CEP120: variants seen among roughly 807,000 people sequenced by gnomAD.
CEP120 encodes centrosomal protein 120, also known as centrosomal protein of 120 kDa.
CEP120 carries 113 observed loss-of-function variants against 126.5 expected under a neutral mutation model. The ratio of observed to expected loss-of-function variants is 0.89; its 90% CI spans 0.77 to 1.04. The LOEUF (loss-of-function observed/expected upper bound fraction) is 1.04, where lower values mean the gene tolerates loss of function less well. CEP120 is among the 50% of genes least tolerant of loss of function. The pLI is 0.00. For missense variants in CEP120, 1,230 were observed against 1,155.7 expected (o/e 1.06, Z -0.93); for synonymous variants, 400 against 394.3 (o/e 1.01, Z -0.17).
chr5:123,368,624 T>C (rs1253541255), intron 17 of CEP120, among the ~76,000 whole-genome samples: 3 of 151,988 alleles, frequency 2.0e-5, no homozygotes, highest in African/African-American at 7.2e-5. Context: ...AAACACTACA[T>C]GAAAAATATA....
chr5:123,396,267 T>G (rs1476052666), intron 5 of CEP120, among the ~76,000 whole-genome samples: 1 of 152,198 alleles, frequency 6.6e-6, no homozygotes, highest in African/African-American at 2.4e-5. Context: ...AACACTCACA[T>G]ACAGATTTTT....
intron 5 of CEP120, among the ~76,000 whole-genome samples, chr5:123,395,679 TC>T (rs1178122651): frequency 7.1e-6 from 1 of 140,496 alleles, no homozygotes; most frequent in African/African-American, 2.7e-5. Context: ...AGTACTTCAT[TC>T]CTTTTTTTTT....
intron 4 of CEP120, among the ~76,000 whole-genome samples, chr5:123,409,992 CCACACACACA>C (rs552203939): frequency 8.3e-5 from 7 of 83,874 alleles, no homozygotes; most frequent in Admixed American, 1.4e-4. Context: ...AAAAAAAAAA[CCACACACACA>C]CACACACACA....
rs369612860 is a variant in CEP120, at chr5:123,395,681, C to CT, written c.613-2185dup. On this transcript the variant is annotated intron_variant, in intron 5 of 19. Transcript: ENST00000306467. ...TGTGGCATGTATCAGTACTTCATTC[C>CT]TTTTTTTTTTTTTTTTTTGAGACAG... Among the ~76,000 whole-genome samples, 995 of 127,404 alleles carry CT rather than the reference C, an allele frequency of 7.8e-3. 14 individuals are homozygous for CT. Among genetic ancestry groups the CT allele is most frequent in the East Asian group, 0.046 (203 of 4,386 alleles). The allele number at this position is 127,404 out of a possible 152,430, so 83.6% of individuals were successfully genotyped here. A position where few individuals can be genotyped will look rare whatever the true frequency, so the allele number is the denominator to read the frequency against.
At chr5:123,391,398 A>C in intron 6 of CEP120, 61 bp from the exon 7 acceptor site, 14 of 1,259,650 alleles carry the variant, frequency 1.1e-5, no homozygotes, top group Non-Finnish European at 1.6e-5. Flanking sequence ...CCTAAATATC[A>C]TAAACTTAAT....
chr5:123,402,016 G>A (rs112683892), intron 4 of CEP120: 15 of 1,606,218 alleles, frequency 9.3e-6, no homozygotes, highest in East Asian at 6.7e-5. Flanking sequence ...TCCAGGAACC[G>A]TACCTTGTCT....
At chr5:123,418,891 G>GT (rs569320795) in intron 1 of CEP120, among the ~76,000 whole-genome samples, 59 of 152,182 alleles carry the variant, frequency 3.9e-4, no homozygotes, top group African/African-American at 1.3e-3. Context: ...CCTAGCATGT[G>GT]TTTTTTTAAA....
intron 1 of CEP120, among the ~76,000 whole-genome samples, chr5:123,421,443 C>T (rs1360511316): frequency 6.6e-6 from 1 of 152,164 alleles, no homozygotes; most frequent in Non-Finnish European, 1.5e-5. Flanking sequence ...ACTAACAGGC[C>T]TCTCTCAGGA....
intron 5 of CEP120, among the ~76,000 whole-genome samples, chr5:123,396,420 CTG>C (rs915825518): frequency 2.6e-5 from 4 of 151,728 alleles, no homozygotes; most frequent in African/African-American, 9.7e-5. Flanking sequence ...AGACATCAAC[CTG>C]TGTGTTTTTT....
intron 9 of CEP120, among the ~76,000 whole-genome samples, chr5:123,387,630 G>T (rs939481156): frequency 6.6e-6 from 1 of 151,978 alleles, no homozygotes; most frequent in African/African-American, 2.4e-5. Flanking sequence ...CTATTAGTCC[G>T]TATCAAATGA....
chr5:123,354,581 A>G (rs752680560), intron 18 of CEP120, among the ~76,000 whole-genome samples: 1 of 152,008 alleles, frequency 6.6e-6, no homozygotes, highest in South Asian at 2.1e-4. Context: ...ACCAGGTACA[A>G]ATGTAGAACT....
intron 18 of CEP120, among the ~76,000 whole-genome samples, chr5:123,351,033 G>A (rs1309721928): frequency 6.6e-6 from 1 of 152,086 alleles, no homozygotes; most frequent in Non-Finnish European, 1.5e-5. Context: ...TGAGTCAATA[G>A]GTTTTTGTTA....
chr5:123,381,654 T>C (rs1417144265), intron 14 of CEP120, among the ~76,000 whole-genome samples: 2 of 152,114 alleles, frequency 1.3e-5, no homozygotes, highest in Non-Finnish European at 2.9e-5. Flanking sequence ...TCTATTAACT[T>C]ACAGATTATA....
intron 17 of CEP120, among the ~76,000 whole-genome samples, chr5:123,368,295 T>C (rs1770614742): frequency 6.6e-6 from 1 of 151,996 alleles, no homozygotes; most frequent in Non-Finnish European, 1.5e-5. Context: ...CAGGGTAAAA[T>C]GGAAGTACTC....
Position 123,346,606 on chromosome 5 carries a change from C to G in CEP120, c.2874G>C (p.Thr958=). 6.2e-7 allele frequency: 1 copy of G among 1,613,992 alleles called. No individual in the cohort carries two copies. The highest frequency in any genetic ancestry group is 8.5e-7 in the Non-Finnish European group (1 of 1,179,950). Residue 958 remains threonine (T), a synonymous_variant, in exon 20 of 20, where the codon ACG becomes ACC. Transcript: ENST00000306467. The part of the protein sequence containing the change: ...LIEERDTLMR[T]GVYNHEDRII... ...TTCGATCCTCGTGATTATACACACC[C>G]GTTCTCATCAAAGTATCCCTTTCTT...
At chr5:123,389,821 A>ACAATTTTTACTT in intron 8 of CEP120, 103 bp downstream of exon 8, 1 of 1,066,246 alleles carries the variant, frequency 9.4e-7, no homozygotes, top group Non-Finnish European at 1.4e-6. Context: ...TAACAAACCC[A>ACAATTTTTACTT]CAATTTTTAC....
At chr5:123,349,116 T>C (rs1453984926) in intron 19 of CEP120, among the ~76,000 whole-genome samples, 2 of 152,190 alleles carry the variant, frequency 1.3e-5, no homozygotes, top group East Asian at 3.9e-4. Flanking sequence ...TCCTAGTGAT[T>C]ACTTTTCTAA....
chr5:123,354,883 C>G (rs1169822745), intron 18 of CEP120, among the ~76,000 whole-genome samples: 2 of 151,896 alleles, frequency 1.3e-5, no homozygotes, highest in Non-Finnish European at 2.9e-5. Flanking sequence ...GTGCTGCACC[C>G]ATTAACTCGT....
chr5:123,423,626 T>G (rs1437256964), upstream of CEP120: 2 of 133,276 alleles, frequency 1.5e-5, no homozygotes, highest in Non-Finnish European at 3.2e-5. Context: ...TTAAGGAGCG[T>G]GAGTGTAGCG....
Sources: gnomAD v4.1 joint callset for allele counts (sites outside exome capture counted in the v4.1 genomes callset) on GRCh38, gnomAD v4.1.1 for gene constraint, MANE v1.5 for transcripts, NCBI Gene and HGNC (gene_info 2026-07-23, HGNC 2026-07-21) for gene names.